Variants in EZH2 observed in about 807,000 individuals in gnomAD.
The protein encoded by EZH2 is enhancer of zeste 2 polycomb repressive complex 2 subunit.
A neutral mutation model predicts 98.4 loss-of-function variants in EZH2; 18 were observed. The observed-to-expected ratio is 0.18, with a 90% CI of 0.13 to 0.27. EZH2 has a LOEUF of 0.27. Ranked by LOEUF, EZH2 falls within the 10% of genes least tolerant of loss-of-function variation. The pLI, the probability that EZH2 is intolerant of heterozygous loss-of-function variation, is 1.00. For missense variants in EZH2, 470 were observed against 935.1 expected, an observed-to-expected ratio of 0.50 and a Z score of 6.49; for synonymous variants, 338 against 312.3, an observed-to-expected ratio of 1.08 and a Z score of -0.87.
chr7:148,809,023 C>A, intron 19 of EZH2, 48 bp downstream of exon 19: 2 of 1,474,778 alleles, frequency 1.4e-6, no homozygotes, highest in Non-Finnish European at 1.9e-6. Flanking sequence ...GTTCACAATC[C>A]AGTAGAAAAA....
intron 3 of EZH2, among the ~76,000 whole-genome samples, chr7:148,844,692 C>T (rs1290348260): frequency 2.0e-5 from 3 of 152,068 alleles, no homozygotes; most frequent in East Asian, 3.8e-4. Flanking sequence ...CATAAACTCA[C>T]GAACATTAGG....
chr7:148,855,725 C>A (rs940573930), intron 1 of EZH2, among the ~76,000 whole-genome samples: 2 of 151,754 alleles, frequency 1.3e-5, no homozygotes, highest in Non-Finnish European at 1.5e-5. Flanking sequence ...TGGTGAAACC[C>A]CGTCTCTACT....
intron 1 of EZH2, among the ~76,000 whole-genome samples, chr7:148,863,643 T>G (rs1379191871): frequency 6.6e-6 from 1 of 152,146 alleles, no homozygotes; most frequent in Non-Finnish European, 1.5e-5. Flanking sequence ...GGGACCTTTT[T>G]GCTTCCTTAA....
In EZH2 at chr7:148,828,104, C is replaced by T. The variant is rs150058685; in HGVS notation, c.625+636G>A. On this transcript the variant is annotated intron_variant, in intron 6 of 19. Transcript: ENST00000320356. ...CTGTACTCTAGCCTGGGCGACAGAG[C>T]GAGACTCCGTCTCGAAAAAGAAAAT... 6.0e-3 allele frequency among the ~76,000 whole-genome samples: 917 copies of T among 152,250 alleles called. 7 individuals carry two copies. The highest frequency in any genetic ancestry group is 0.014 in the Middle Eastern group (4 of 294).
chr7:148,874,802 CAGG>C (rs1216667929), intron 1 of EZH2, among the ~76,000 whole-genome samples: 2 of 151,052 alleles, frequency 1.3e-5, no homozygotes, highest in African/African-American at 4.9e-5. Flanking sequence ...GAGGCTTAGG[CAGG>C]AGAACAGCGT....
At chr7:148,816,641 CTAT>C in intron 12 of EZH2, 40 bp downstream of exon 12, 1 of 1,470,464 alleles carries the variant, frequency 6.8e-7, no homozygotes, top group Non-Finnish European at 9.5e-7. Context: ...CCTGCAGTGT[CTAT>C]CTATGTTGAC....
intron 2 of EZH2, among the ~76,000 whole-genome samples, chr7:148,846,972 A>G (rs554445461): frequency 6.6e-5 from 10 of 152,112 alleles, no homozygotes; most frequent in African/African-American, 2.2e-4. Flanking sequence ...GCAGCTGCAT[A>G]TGCAAATAAA....
chr7:148,823,111 A>G (rs1014736160), intron 8 of EZH2, among the ~76,000 whole-genome samples: 7 of 152,236 alleles, frequency 4.6e-5, no homozygotes, highest in African/African-American at 1.7e-4. Flanking sequence ...GCTAAAAGCC[A>G]TTTTTCACTT....
Position 148,884,192 on chromosome 7 carries a change from T to A in EZH2, c.-36A>T, listed in dbSNP as rs868002928. 1.5e-4 allele frequency: 25 copies of A among 165,920 alleles called. No individual in the cohort carries two copies. The highest frequency in any genetic ancestry group is 2.0e-4 in the Non-Finnish European group (15 of 76,380). The allele number at this position is 165,920 out of a possible 1,614,324, so 10.3% of individuals were successfully genotyped here. On this transcript the variant is annotated 5_prime_UTR_variant, in exon 1 of 20. Coordinates refer to ENST00000320356, the MANE Select transcript of EZH2 (RefSeq NM_004456.5). ...CGTCCCGCGCGCCGACTCGCGTTGTTCCCGCGCGTCGCCCCCGCGCGCCGC... is the reference window on the plus strand; with the variant it reads ...CGTCCCGCGCGCCGACTCGCGTTGTACCCGCGCGTCGCCCCCGCGCGCCGC...
intron 13 of EZH2, among the ~76,000 whole-genome samples, 164 bp downstream of exon 13, chr7:148,815,342 G>T (rs1431096070): frequency 6.6e-6 from 1 of 152,198 alleles, no homozygotes; most frequent in Admixed American, 6.5e-5. Context: ...GAAGAGAATT[G>T]ACTGGGGATT....
intron 8 of EZH2, among the ~76,000 whole-genome samples, chr7:148,821,700 CT>C (rs983827880): frequency 3.3e-5 from 5 of 152,160 alleles, no homozygotes; most frequent in Admixed American, 3.3e-4. Context: ...GTGGTGCATG[CT>C]TGTAGTCCCA....
intron 1 of EZH2, among the ~76,000 whole-genome samples, chr7:148,880,483 T>C (rs763242828): frequency 3.9e-5 from 6 of 152,210 alleles, no homozygotes; most frequent in Non-Finnish European, 8.8e-5. Flanking sequence ...TTAAATCAAA[T>C]TAAGCAAATA....
chr7:148,843,326 G>A (rs987456886), intron 3 of EZH2, among the ~76,000 whole-genome samples: 3 of 151,932 alleles, frequency 2.0e-5, no homozygotes, highest in African/African-American at 7.2e-5. Context: ...TGCTGTGATT[G>A]TACCACTGCA....
At chr7:148,874,403 G>GA (rs200686551) in intron 1 of EZH2, among the ~76,000 whole-genome samples, 227 of 145,574 alleles carry the variant, frequency 1.6e-3, no homozygotes, top group Admixed American at 2.3e-3. Flanking sequence ...AAAAAGCAAA[G>GA]AAAAAAAAAA....
Position 148,810,475 on chromosome 7 carries a change from A to T in EZH2, c.1948-61T>A, listed in dbSNP as rs981075550. On this transcript the variant is annotated intron_variant, in intron 16 of 19. Coordinates refer to ENST00000320356, the MANE Select transcript of EZH2 (RefSeq NM_004456.5). ...TAAAGGTGATCAAGCCTGACAGAAC[A>T]CACAAAAGCGCACAGAGTGAATACT... The T allele has an allele frequency of 4.2e-6, 5 of 1,179,228 alleles. No individual in the cohort carries two copies. The Admixed American group carries it at 8.6e-5, about 20-fold the overall frequency. 73.0% of individuals were successfully genotyped at this position (1,179,228 alleles called of 1,614,324 possible). A position where few individuals can be genotyped will look rare whatever the true frequency, so the allele number is the denominator to read the frequency against.
At chr7:148,850,986 C>A (rs971983432) in intron 1 of EZH2, among the ~76,000 whole-genome samples, 1 of 152,060 alleles carries the variant, frequency 6.6e-6, no homozygotes, top group Non-Finnish European at 1.5e-5. Context: ...CATTTTCAGA[C>A]TGCAGTTTGA....
In EZH2 at chr7:148,846,604, A is replaced by G. The variant is rs1478308235; in HGVS notation, c.118-6T>C. The G allele has an allele frequency of 6.2e-7, 1 of 1,605,308 alleles. No homozygotes were observed. The highest frequency in any genetic ancestry group is 1.7e-5 in the Admixed American group (1 of 59,128). Reference sequence around the variant, plus strand: ...CGATTGGAACTAAACATACTCTTAAAAAAAAAAATGAAGGAGAGGAAAGGA... The same window carrying G: ...CGATTGGAACTAAACATACTCTTAAGAAAAAAAATGAAGGAGAGGAAAGGA... On this transcript the variant is annotated splice_polypyrimidine_tract_variant and splice_region_variant and intron_variant, in intron 2 of 19. Transcript: ENST00000320356.
chr7:148,850,551 G>T, intron 1 of EZH2: 1 of 461,130 alleles, frequency 2.2e-6, no homozygotes, highest in East Asian at 1.5e-4. Flanking sequence ...AAAATTTAAA[G>T]TACCAATTAA....
intron 1 of EZH2, among the ~76,000 whole-genome samples, chr7:148,864,372 T>A (rs2129489085): frequency 6.6e-6 from 1 of 152,308 alleles, no homozygotes; most frequent in East Asian, 1.9e-4. Flanking sequence ...ACTCACTAAC[T>A]GAATTGACAT....
Sources: allele counts gnomAD v4.1 joint callset (sites outside exome capture counted in the v4.1 genomes callset), GRCh38; gene constraint gnomAD v4.1.1; transcripts MANE v1.5; gene names NCBI Gene and HGNC (gene_info 2026-07-23, HGNC 2026-07-21).